TENM2: variants seen among roughly 807,000 people sequenced by gnomAD.
TENM2 encodes the protein teneurin transmembrane protein 2, also known as teneurin-2.
In TENM2, 52 loss-of-function variants were observed where a neutral mutation model predicts 245.2. The ratio of observed to expected loss-of-function variants is 0.21; its 90% CI spans 0.17 to 0.27. TENM2 has a LOEUF of 0.27. Among genes scored for constraint, TENM2 ranks in the 10% least tolerant of loss-of-function variants. The pLI, the probability that TENM2 is intolerant of heterozygous loss-of-function variation, is 1.00. For missense variants in TENM2, 3,046 were observed against 3,666.8 expected, an observed-to-expected ratio of 0.83 and a Z score of 4.37; for synonymous variants, 1,363 against 1,438.9, an observed-to-expected ratio of 0.95 and a Z score of 1.19.
intron 6 of TENM2, among the ~76,000 whole-genome samples, chr5:168,048,141 T>C (rs1454284276): frequency 2.0e-5 from 3 of 149,224 alleles, no homozygotes; most frequent in South Asian, 2.1e-4. Flanking sequence ...GAAATGTTTA[T>C]TGAAGCAATC....
At chr5:167,626,910 G>C (rs567120845) in intron 2 of TENM2, among the ~76,000 whole-genome samples, 1 of 152,268 alleles carries the variant, frequency 6.6e-6, no homozygotes, top group Admixed American at 6.5e-5. Context: ...CACTGGCCCA[G>C]AAATGCATTT....
chr5:167,485,811 C>G (rs1195044016), intron 2 of TENM2, among the ~76,000 whole-genome samples: 1 of 152,094 alleles, frequency 6.6e-6, no homozygotes, highest in African/African-American at 2.4e-5. Context: ...CTGAATAAAG[C>G]TGACTTCTGA....
chr5:167,686,598 C>T (rs912119223), intron 2 of TENM2, among the ~76,000 whole-genome samples: 4 of 152,170 alleles, frequency 2.6e-5, no homozygotes, highest in Admixed American at 1.3e-4. Flanking sequence ...TCTATGGTAA[C>T]CCCATTCCAT....
chr5:167,427,860 G>T (rs569559741), intron 2 of TENM2, among the ~76,000 whole-genome samples: 13 of 131,082 alleles, frequency 9.9e-5, no homozygotes, highest in Non-Finnish European at 1.9e-4. Context: ...AAGGAAGGAC[G>T]GAAAGGAAGG....
At chr5:167,416,907 G>T (rs959705561) in intron 2 of TENM2, among the ~76,000 whole-genome samples, 1 of 151,878 alleles carries the variant, frequency 6.6e-6, no homozygotes, top group Non-Finnish European at 1.5e-5. Context: ...TGATTGTTTC[G>T]AGATCATTCA....
exon 21 of TENM2, chr5:168,215,227 G>C: frequency 6.2e-7 from 1 of 1,613,926 alleles, no homozygotes; most frequent in East Asian, 2.2e-5. Context: ...AGCCCGCTGC[G>C]GGGATGGAGG....
intron 2 of TENM2, among the ~76,000 whole-genome samples, chr5:167,593,923 G>A (rs1776036683): frequency 6.6e-6 from 1 of 152,158 alleles, no homozygotes; most frequent in African/African-American, 2.4e-5. Context: ...AAACATGCTA[G>A]TAATATCATG....
chr5:168,010,356 G>A (rs1192811076), intron 5 of TENM2, among the ~76,000 whole-genome samples: 2 of 152,224 alleles, frequency 1.3e-5, no homozygotes, highest in Non-Finnish European at 2.9e-5. Context: ...TTAAAGTGGA[G>A]TTTGGAATAA....
the TENM2 span, among the ~76,000 whole-genome samples, chr5:167,138,085 G>C: frequency 6.6e-6 from 1 of 152,160 alleles, no homozygotes; most frequent in Admixed American, 6.5e-5. Flanking sequence ...TGAAAGGTAG[G>C]CACAGGGAAG....
chr5:167,188,090 A>G, the TENM2 span, among the ~76,000 whole-genome samples: 1 of 152,142 alleles, frequency 6.6e-6, no homozygotes, highest in Non-Finnish European at 1.5e-5. Flanking sequence ...GCATTAATTT[A>G]TTCATCCCAG....
At chr5:167,473,219 A>C (rs1767147710) in intron 2 of TENM2, among the ~76,000 whole-genome samples, 1 of 152,218 alleles carries the variant, frequency 6.6e-6, no homozygotes, top group Non-Finnish European at 1.5e-5. Flanking sequence ...TTTAGGTTTT[A>C]CATGTTATCT....
intron 2 of TENM2, among the ~76,000 whole-genome samples, chr5:167,437,232 G>C (rs1764615689): frequency 2.0e-5 from 3 of 152,298 alleles, no homozygotes; most frequent in Middle Eastern, 3.4e-3. Context: ...TCTTGCATCA[G>C]CATGACCTGG....
intron 2 of TENM2, among the ~76,000 whole-genome samples, chr5:167,868,097 A>C (rs1772483939): frequency 6.6e-6 from 1 of 152,372 alleles, no homozygotes; most frequent in South Asian, 2.1e-4. Flanking sequence ...GTAGTAATAC[A>C]GGATTTCTCA....
intron 2 of TENM2, among the ~76,000 whole-genome samples, chr5:167,848,654 C>T (rs966349954): frequency 7.2e-5 from 11 of 152,176 alleles, no homozygotes; most frequent in Admixed American, 6.5e-5. Flanking sequence ...AAAGCTACTG[C>T]TCTAAGCACT....
chr5:167,754,093 A>G (rs576001970), intron 2 of TENM2, among the ~76,000 whole-genome samples: 1 of 152,286 alleles, frequency 6.6e-6, no homozygotes, highest in Non-Finnish European at 1.5e-5. Context: ...AGAAAATTAC[A>G]AAAATATCCA....
chr5:167,262,358 CA>C, the TENM2 span, among the ~76,000 whole-genome samples: 389 of 119,076 alleles, frequency 3.3e-3, 2 homozygotes, highest in African/African-American at 4.3e-3. Context: ...AACCCCATCT[CA>C]AAAAAAAAAA....
chr5:167,451,362 G>T (rs972724542), intron 2 of TENM2, among the ~76,000 whole-genome samples: 2 of 152,200 alleles, frequency 1.3e-5, no homozygotes, highest in Non-Finnish European at 2.9e-5. Context: ...AGGAGCGATT[G>T]AAAACGATGC....
At chr5:167,646,193 T>TA (rs1250808176) in intron 2 of TENM2, among the ~76,000 whole-genome samples, 5 of 112,486 alleles carry the variant, frequency 4.4e-5, no homozygotes, top group South Asian at 3.0e-4. Context: ...TATATATATG[T>TA]TGTTTTCATA....
At chr5:167,296,692 C>G (rs1012474727) in intron 1 of TENM2, 1 of 152,354 alleles carries the variant, frequency 6.6e-6, no homozygotes, top group African/African-American at 2.4e-5. Flanking sequence ...GTTTGCCTGG[C>G]GGCAGCTTTG....
Sources: gnomAD v4.1 joint callset for allele counts (sites outside exome capture counted in the v4.1 genomes callset) on GRCh38, gnomAD v4.1.1 for gene constraint, MANE v1.5 for transcripts, NCBI Gene and HGNC (gene_info 2026-07-23, HGNC 2026-07-21) for gene names.